CTNND2: variants seen among roughly 807,000 people sequenced by gnomAD.
The protein encoded by CTNND2 is catenin delta 2.
Under a neutral mutation model 144.4 loss-of-function variants are expected in CTNND2, and 22 were observed. The observed-to-expected ratio is 0.15, with a 90% CI of 0.11 to 0.22. CTNND2 has a LOEUF of 0.22. Ranked by LOEUF, CTNND2 falls within the 10% of genes least tolerant of loss-of-function variation. CTNND2 has a pLI of 1.00. For synonymous variants in CTNND2, 751 were observed against 695.6 expected, an observed-to-expected ratio of 1.08 and a Z score of -1.25; for missense variants, 1,353 against 1,618.8, an observed-to-expected ratio of 0.84 and a Z score of 2.82.
chr5:11,772,789 T>C (rs189524395), intron 1 of CTNND2, among the ~76,000 whole-genome samples: 11 of 152,312 alleles, frequency 7.2e-5, no homozygotes, highest in Admixed American at 6.5e-4. Flanking sequence ...GGGCAGAATT[T>C]GAAAATACTG....
Position 11,287,920 on chromosome 5 carries a change from T to C in CTNND2, c.1629-51097A>G, listed in dbSNP as rs555722092. 2.3e-4 allele frequency among the ~76,000 whole-genome samples: 35 copies of C among 152,316 alleles called. 1 individual carries two copies. The East Asian group carries it at 4.0e-3, about 18-fold the overall frequency. On this transcript the variant is annotated intron_variant, in intron 9 of 21. Coordinates refer to ENST00000304623, the MANE Select transcript of CTNND2 (RefSeq NM_001332.4). ...TGATACAATAAATGCGAATTACCAA[T>C]TTTCCTCAGCTGTAGTTTTTTTATT...
intron 18 of CTNND2, among the ~76,000 whole-genome samples, chr5:10,997,101 C>A (rs1010855100): frequency 6.6e-6 from 1 of 151,864 alleles, no homozygotes; most frequent in Non-Finnish European, 1.5e-5. Flanking sequence ...ATAAATGCCT[C>A]CTTAGGGAAG....
chr5:11,435,395 G>T (rs925871519), intron 3 of CTNND2, among the ~76,000 whole-genome samples: 2 of 151,956 alleles, frequency 1.3e-5, no homozygotes, highest in Non-Finnish European at 2.9e-5. Context: ...GCCCTCCTCG[G>T]CCTCCCAAAG....
chr5:11,287,641 A>T (rs1747887861), intron 9 of CTNND2, among the ~76,000 whole-genome samples: 6 of 152,248 alleles, frequency 3.9e-5, no homozygotes, highest in Admixed American at 3.9e-4. Flanking sequence ...AACAGTCCAT[A>T]TACGACCTTT....
chr5:11,653,814 C>T (rs1293785014), intron 2 of CTNND2, among the ~76,000 whole-genome samples: 1 of 151,594 alleles, frequency 6.6e-6, no homozygotes, highest in Non-Finnish European at 1.5e-5. Context: ...AAAATCACTG[C>T]CAAGATCAAT....
At chr5:11,662,188 T>TAC (rs1783274389) in intron 2 of CTNND2, among the ~76,000 whole-genome samples, 4 of 131,498 alleles carry the variant, frequency 3.0e-5, no homozygotes, top group African/African-American at 1.1e-4. Context: ...CATATATGTG[T>TAC]ATATATGTGT....
At chr5:11,240,806 AAC>A (rs1361233211) in intron 9 of CTNND2, among the ~76,000 whole-genome samples, 5 of 132,176 alleles carry the variant, frequency 3.8e-5, no homozygotes, top group African/African-American at 8.7e-5. Context: ...CCACACACCC[AAC>A]ACACACATAC....
chr5:11,631,586 T>C (rs1353784289), intron 2 of CTNND2, among the ~76,000 whole-genome samples: 1 of 152,122 alleles, frequency 6.6e-6, no homozygotes, highest in East Asian at 1.9e-4. Context: ...CACCTCCAAG[T>C]ATAGAGCTAC....
At chr5:11,119,581 G>C (rs989459293) in intron 12 of CTNND2, among the ~76,000 whole-genome samples, 2 of 152,174 alleles carry the variant, frequency 1.3e-5, no homozygotes, top group Non-Finnish European at 2.9e-5. Flanking sequence ...TAAACTAAAA[G>C]AATGGCCCTT....
intron 2 of CTNND2, among the ~76,000 whole-genome samples, chr5:11,637,827 G>T (rs571131399): frequency 6.6e-6 from 1 of 152,164 alleles, no homozygotes; most frequent in South Asian, 2.1e-4. Flanking sequence ...CTAGTGAAAG[G>T]GGAGGAGGTT....
At chr5:11,076,783 C>T (rs554498801) in intron 16 of CTNND2, among the ~76,000 whole-genome samples, 2 of 152,244 alleles carry the variant, frequency 1.3e-5, no homozygotes, top group South Asian at 2.1e-4. Flanking sequence ...TTAGAGTTTC[C>T]CCGATAATGG....
chr5:11,543,328 T>C (rs1324569611), intron 3 of CTNND2, among the ~76,000 whole-genome samples: 2 of 152,122 alleles, frequency 1.3e-5, no homozygotes, highest in Non-Finnish European at 2.9e-5. Flanking sequence ...CAGACATTCC[T>C]TCATGTAAGG....
chr5:11,472,240 C>G (rs892721204), intron 3 of CTNND2, among the ~76,000 whole-genome samples: 6 of 152,126 alleles, frequency 3.9e-5, no homozygotes, highest in African/African-American at 1.4e-4. Flanking sequence ...TCTTTTATAG[C>G]CAATGAGATA....
intron 3 of CTNND2, among the ~76,000 whole-genome samples, chr5:11,502,469 T>C (rs890822932): frequency 1.3e-5 from 2 of 152,174 alleles, no homozygotes; most frequent in African/African-American, 4.8e-5. Context: ...CAGCACATGG[T>C]TGAGACCATT....
At chr5:11,807,555 G>C (rs2126900712) in intron 1 of CTNND2, among the ~76,000 whole-genome samples, 1 of 152,270 alleles carries the variant, frequency 6.6e-6, no homozygotes, top group South Asian at 2.1e-4. Context: ...TTAACACAGA[G>C]TTCAGAATTA....
intron 14 of CTNND2, among the ~76,000 whole-genome samples, chr5:11,099,832 T>A (rs1390558417): frequency 2.0e-5 from 3 of 152,060 alleles, no homozygotes; most frequent in African/African-American, 7.2e-5. Flanking sequence ...CTGAGAAAAA[T>A]CACAGTAAAA....
At chr5:11,882,798 G>A (rs528123183) in intron 1 of CTNND2, among the ~76,000 whole-genome samples, 1 of 152,170 alleles carries the variant, frequency 6.6e-6, no homozygotes, top group Non-Finnish European at 1.5e-5. Context: ...AGAGTCTTTT[G>A]TGGTTCCATA....
At chr5:11,101,686 A>G (rs1345296744) in intron 14 of CTNND2, among the ~76,000 whole-genome samples, 1 of 152,220 alleles carries the variant, frequency 6.6e-6, no homozygotes, top group Non-Finnish European at 1.5e-5. Flanking sequence ...GTTTTGGACT[A>G]TATCTTGAGA....
At chr5:11,762,662 T>G (rs765434088) in intron 1 of CTNND2, among the ~76,000 whole-genome samples, 1 of 152,172 alleles carries the variant, frequency 6.6e-6, no homozygotes, top group African/African-American at 2.4e-5. Context: ...ACCTTCTGAG[T>G]TTAACCCAGG....
Sources: gnomAD v4.1 joint callset for allele counts (sites outside exome capture counted in the v4.1 genomes callset) on GRCh38, gnomAD v4.1.1 for gene constraint, MANE v1.5 for transcripts, NCBI Gene and HGNC (gene_info 2026-07-23, HGNC 2026-07-21) for gene names.